EIF4G3: variants seen among roughly 807,000 people sequenced by gnomAD.
EIF4G3 encodes the protein eIF-4-gamma 3.
EIF4G3 carries 34 observed loss-of-function variants against 186.4 expected under a neutral mutation model. That is an observed-to-expected ratio of 0.18 (90% CI 0.14 to 0.24). The LOEUF is 0.24. EIF4G3 is among the 10% of genes least tolerant of loss of function. The pLI, the probability that EIF4G3 is intolerant of heterozygous loss-of-function variation, is 1.00. For missense variants in EIF4G3, 1,536 were observed against 1,948.5 expected (o/e 0.79, Z 3.99); for synonymous variants, 673 against 679.5 (o/e 0.99, Z 0.15).
Position 20,900,348 on chromosome 1 carries a change from T to C in EIF4G3, c.1753-405A>G, listed in dbSNP as rs2089863533. Among the ~76,000 whole-genome samples the C allele has an allele frequency of 3.3e-5, 5 of 152,178 alleles. No individual in the cohort carries two copies. In the South Asian group the frequency reaches 1.0e-3, roughly 32 times the overall value. On this transcript the variant is annotated intron_variant, in intron 15 of 36. Coordinates refer to ENST00000602326, the MANE Select transcript of EIF4G3 (RefSeq NM_001391906.1). The stretch of plus-strand genomic sequence containing the variant: ...CTGGAGGGTATTTTTTACACTGTCT[T>C]CTGGCTGTGAAATTGACAGTCTGGA...
intron 2 of EIF4G3, among the ~76,000 whole-genome samples, chr1:21,113,485 A>C (rs543681930): frequency 6.6e-6 from 1 of 152,104 alleles, no homozygotes; most frequent in African/African-American, 2.4e-5. Flanking sequence ...CTTTTTTTTT[A>C]ATTACACCAA....
chr1:21,037,955 A>C (rs2093332649), intron 4 of EIF4G3, among the ~76,000 whole-genome samples: 1 of 152,188 alleles, frequency 6.6e-6, no homozygotes, highest in Non-Finnish European at 1.5e-5. Context: ...ATCTCTGGAG[A>C]AGGGGACCCA....
At position 21,029,739 on chromosome 1, in the gene EIF4G3, A is replaced by T. The variant is rs112245704; in HGVS notation, c.-67+21127T>A. Among the ~76,000 whole-genome samples, 537 of 152,380 alleles carry T rather than the reference A, an allele frequency of 3.5e-3. 5 individuals carry two copies. Among genetic ancestry groups the T allele is most frequent in the African/African-American group, 0.012 (506 of 41,600 alleles). On this transcript the variant is annotated intron_variant, in intron 4 of 36. Coordinates refer to ENST00000602326, the MANE Select transcript of EIF4G3 (RefSeq NM_001391906.1). Reference sequence around the variant, plus strand: ...AAGGCAGAAAGGGGCTGCCATCTTGAGAAAAGAAATGGATTAAAGAATTAA... The same window carrying T: ...AAGGCAGAAAGGGGCTGCCATCTTGTGAAAAGAAATGGATTAAAGAATTAA...
rs549646378 is a variant in EIF4G3 at position 21,102,372 on chromosome 1, AT to A, written c.-271-13160del. 4.7e-4 allele frequency among the ~76,000 whole-genome samples: 71 copies of A among 152,280 alleles called. 2 individuals carry two copies. Among genetic ancestry groups the A allele is most frequent in the African/African-American group, 1.6e-3 (65 of 41,548 alleles). On this transcript the variant is annotated intron_variant, in intron 2 of 36. Transcript: ENST00000602326. ...ACCCTGATTTTTACCTAATAAAACA[AT>A]TTTCCCCCAACACTTTGTACCAGAC...
At chr1:21,102,309 T>C (rs892418869) in intron 2 of EIF4G3, among the ~76,000 whole-genome samples, 5 of 152,074 alleles carry the variant, frequency 3.3e-5, no homozygotes, top group African/African-American at 1.2e-4. Context: ...AAATTATTTA[T>C]AAAAACAGGT....
chr1:21,019,680 C>T (rs1184882122), intron 4 of EIF4G3, among the ~76,000 whole-genome samples: 2 of 152,102 alleles, frequency 1.3e-5, no homozygotes, highest in Non-Finnish European at 2.9e-5. Context: ...GTCAAGAGAT[C>T]GAGACCATCC....
In EIF4G3 at chr1:20,905,052, A is replaced by G. The variant is rs1262605126; in HGVS notation, c.1664-81T>C. The G allele has an allele frequency of 2.9e-6, 3 of 1,037,868 alleles. No individual in the cohort carries two copies. In the African/African-American group the frequency reaches 4.8e-5, roughly 17 times the overall value. 64.3% of individuals were successfully genotyped at this position (1,037,868 alleles called of 1,614,324 possible). A position where few individuals can be genotyped will look rare whatever the true frequency, so the allele number is the denominator to read the frequency against. On this transcript the variant is annotated intron_variant, in intron 14 of 36. Coordinates refer to ENST00000602326, the MANE Select transcript of EIF4G3 (RefSeq NM_001391906.1). ...TTAGGTCTAAGTGATACCTATATTCAAATTAAGCAGGATAAAAGAGAACTT... is the reference window on the plus strand; with the variant it reads ...TTAGGTCTAAGTGATACCTATATTCGAATTAAGCAGGATAAAAGAGAACTT...
chr1:21,094,797 T>TAATAATAATAAG (rs2096314756), intron 2 of EIF4G3, among the ~76,000 whole-genome samples: 2 of 142,090 alleles, frequency 1.4e-5, no homozygotes, highest in African/African-American at 5.0e-5. Flanking sequence ...ATAATAATAA[T>TAATAATAATAAG]AATAATAAAA....
chr1:20,852,846 C>G (rs1345708675), intron 27 of EIF4G3, among the ~76,000 whole-genome samples: 1 of 152,096 alleles, frequency 6.6e-6, no homozygotes, highest in African/African-American at 2.4e-5. Context: ...GGAATAAGAA[C>G]ACAGTTTACA....
chr1:20,817,137 C>G (rs1180198083), intron 34 of EIF4G3, among the ~76,000 whole-genome samples: 1 of 139,836 alleles, frequency 7.2e-6, no homozygotes, highest in African/African-American at 2.6e-5. Context: ...CCTAGGAAAA[C>G]CAGAGACCTT....
intron 33 of EIF4G3, among the ~76,000 whole-genome samples, chr1:20,822,724 T>A (rs1029234098): frequency 1.1e-4 from 17 of 152,022 alleles, no homozygotes; most frequent in Non-Finnish European, 1.8e-4. Flanking sequence ...GTGTCTGGCC[T>A]TATTTTTCTA....
At chr1:20,811,886 AAT>A (rs2059319961) in intron 35 of EIF4G3, among the ~76,000 whole-genome samples, 1 of 152,146 alleles carries the variant, frequency 6.6e-6, no homozygotes, top group South Asian at 2.1e-4. Context: ...TAGAAAAGGA[AAT>A]TAAAGTGACA....
At chr1:20,958,330 AT>A (rs983537783) in intron 12 of EIF4G3, among the ~76,000 whole-genome samples, 1 of 152,210 alleles carries the variant, frequency 6.6e-6, no homozygotes, top group African/African-American at 2.4e-5. Context: ...CTGAAAAAGC[AT>A]TCAACAAAAT....
intron 2 of EIF4G3, among the ~76,000 whole-genome samples, chr1:21,161,195 C>CTA (rs1283741059): frequency 1.3e-5 from 2 of 150,916 alleles, no homozygotes; most frequent in African/African-American, 4.9e-5. Context: ...TCCTCTTTGA[C>CTA]TGAGCGTTGG....
Position 20,817,542 on chromosome 1 carries a change from A to G in EIF4G3, c.4369-4T>C. The G allele has an allele frequency of 6.4e-7, 1 of 1,570,022 alleles. No homozygotes were observed. Among genetic ancestry groups the G allele is most frequent in the Non-Finnish European group, 8.7e-7 (1 of 1,155,650 alleles). ...CAGACTCTATGAAGTCCAACTTCTGAAACATAAAAGGTGGAACATATTAAT... is the reference window on the plus strand; with the variant it reads ...CAGACTCTATGAAGTCCAACTTCTGGAACATAAAAGGTGGAACATATTAAT... On this transcript the variant is annotated splice_region_variant and splice_polypyrimidine_tract_variant and intron_variant, in intron 33 of 36. Coordinates refer to ENST00000602326, the MANE Select transcript of EIF4G3 (RefSeq NM_001391906.1).
intron 15 of EIF4G3, among the ~76,000 whole-genome samples, chr1:20,900,888 T>C (rs1025616244): frequency 1.3e-5 from 2 of 152,192 alleles, no homozygotes; most frequent in Non-Finnish European, 2.9e-5. Context: ...AAATAATCTA[T>C]GAAATTATGT....
chr1:20,975,389 A>G (rs142891657), intron 10 of EIF4G3, among the ~76,000 whole-genome samples: 2 of 151,192 alleles, frequency 1.3e-5, no homozygotes, highest in Non-Finnish European at 3.0e-5. Flanking sequence ...CAAAAAACAA[A>G]AAAAAAAAAA....
chr1:21,054,896 A>G (rs554541419), intron 3 of EIF4G3, among the ~76,000 whole-genome samples: 28 of 152,330 alleles, frequency 1.8e-4, no homozygotes, highest in Admixed American at 1.8e-3. Flanking sequence ...TGATGCTACC[A>G]TATGACCAAA....
At chr1:20,859,710 C>G (rs1260087616) in intron 24 of EIF4G3, among the ~76,000 whole-genome samples, 2 of 152,224 alleles carry the variant, frequency 1.3e-5, no homozygotes, top group East Asian at 1.9e-4. Context: ...AGTGATTCTT[C>G]TGCCTCAACC....
Sources: gnomAD v4.1 joint callset for allele counts (sites outside exome capture counted in the v4.1 genomes callset) on GRCh38, gnomAD v4.1.1 for gene constraint, MANE v1.5 for transcripts, NCBI Gene and HGNC (gene_info 2026-07-23, HGNC 2026-07-21) for gene names.